ZBTB7C: variants seen among roughly 807,000 people sequenced by gnomAD.
ZBTB7C encodes the protein zinc finger and BTB domain-containing protein 7C.
In ZBTB7C, 8 loss-of-function variants were observed where a neutral mutation model predicts 25.7. The ratio of observed to expected loss-of-function variants is 0.31; its 90% CI spans 0.18 to 0.56. The LOEUF (loss-of-function observed/expected upper bound fraction) is 0.56. Among genes scored for constraint, ZBTB7C ranks in the 20% least tolerant of loss-of-function variants. The probability of loss-of-function intolerance (pLI) is 0.91; values close to 1 mark genes in which losing one functional copy is unlikely to be tolerated. For missense variants in ZBTB7C, 824 were observed against 855.2 expected (o/e 0.96, Z 0.46); for synonymous variants, 394 against 369.0 (o/e 1.07, Z -0.78).
intron 2 of ZBTB7C, among the ~76,000 whole-genome samples, chr18:48,230,685 G>A (rs2043226834): frequency 6.6e-6 from 1 of 152,182 alleles, no homozygotes; most frequent in South Asian, 2.1e-4. Context: ...CAGTGGGTGG[G>A]GCTGTGCAGC....
At chr18:48,119,801 A>T (rs1291436473) in intron 3 of ZBTB7C, among the ~76,000 whole-genome samples, 1 of 152,164 alleles carries the variant, frequency 6.6e-6, no homozygotes, top group Non-Finnish European at 1.5e-5. Flanking sequence ...CAACATAAAT[A>T]ACAATCTCAT....
At chr18:48,077,801 G>T (rs1439620743) in intron 3 of ZBTB7C, among the ~76,000 whole-genome samples, 2 of 152,164 alleles carry the variant, frequency 1.3e-5, no homozygotes, top group Non-Finnish European at 2.9e-5. Context: ...CAGGACTCAG[G>T]CCTGCACAAT....
At chr18:48,308,984 C>G (rs1352195501) in intron 2 of ZBTB7C, among the ~76,000 whole-genome samples, 1 of 152,218 alleles carries the variant, frequency 6.6e-6, no homozygotes, top group African/African-American at 2.4e-5. Context: ...AGGAGCCCTA[C>G]AGAAGGTGAG....
intron 1 of ZBTB7C, among the ~76,000 whole-genome samples, chr18:48,398,554 T>C (rs75363749): frequency 0.042 from 6,365 of 152,286 alleles, 209 homozygotes; most frequent in South Asian, 0.16. Flanking sequence ...ACGACCTCTG[T>C]GGCTTCTCTT....
chr18:48,393,547 A>G (rs1005765454), intron 1 of ZBTB7C, among the ~76,000 whole-genome samples: 33 of 152,176 alleles, frequency 2.2e-4, no homozygotes, highest in African/African-American at 8.0e-4. Context: ...AGAATGTCTT[A>G]ATATAAAGAT....
At chr18:48,352,857 G>T (rs78041458) in intron 1 of ZBTB7C, among the ~76,000 whole-genome samples, 1 of 152,122 alleles carries the variant, frequency 6.6e-6, no homozygotes, top group Non-Finnish European at 1.5e-5. Context: ...TGTTCACTGT[G>T]TTGGGAGGGC....
chr18:48,051,664 C>A (rs2036691953), intron 3 of ZBTB7C, among the ~76,000 whole-genome samples: 2 of 152,190 alleles, frequency 1.3e-5, no homozygotes, highest in African/African-American at 2.4e-5. Context: ...ATGCACCATG[C>A]AGGGGACTTG....
At chr18:48,324,562 G>T (rs2046173442) in intron 2 of ZBTB7C, among the ~76,000 whole-genome samples, 1 of 152,154 alleles carries the variant, frequency 6.6e-6, no homozygotes, top group Non-Finnish European at 1.5e-5. Flanking sequence ...TGGGATTAGG[G>T]CCTATGGGAG....
At chr18:48,084,003 T>C in intron 3 of ZBTB7C, 1 of 504,390 alleles carries the variant, frequency 2.0e-6, no homozygotes, top group Non-Finnish European at 2.6e-6. Context: ...CTTGTGCCTA[T>C]GGAAGGTTTC....
intron 3 of ZBTB7C, among the ~76,000 whole-genome samples, chr18:48,093,201 A>C (rs983018600): frequency 1.3e-5 from 2 of 152,140 alleles, no homozygotes; most frequent in African/African-American, 4.8e-5. Flanking sequence ...CACAGAGTAG[A>C]CTCAGCCGTG....
intron 1 of ZBTB7C, among the ~76,000 whole-genome samples, chr18:48,344,429 G>A (rs2046679512): frequency 6.6e-6 from 1 of 152,192 alleles, no homozygotes; most frequent in Non-Finnish European, 1.5e-5. Flanking sequence ...GGATGCCCAT[G>A]CCACTGGTCT....
At chr18:48,193,155 TG>T (rs2042237475) in intron 2 of ZBTB7C, among the ~76,000 whole-genome samples, 1 of 152,160 alleles carries the variant, frequency 6.6e-6, no homozygotes, top group African/African-American at 2.4e-5. Flanking sequence ...GAAAGTCAAG[TG>T]GGGAGGCCAG....
At chr18:48,079,262 G>C (rs1421901316) in intron 3 of ZBTB7C, among the ~76,000 whole-genome samples, 4 of 152,220 alleles carry the variant, frequency 2.6e-5, no homozygotes, top group Non-Finnish European at 4.4e-5. Flanking sequence ...TCAACCACAG[G>C]TAAGTCATGA....
intron 2 of ZBTB7C, among the ~76,000 whole-genome samples, chr18:48,320,520 C>T (rs1360604542): frequency 6.6e-6 from 1 of 152,196 alleles, no homozygotes; most frequent in Non-Finnish European, 1.5e-5. Flanking sequence ...GAGGTGACGG[C>T]TGCCAGCACC....
intron 2 of ZBTB7C, among the ~76,000 whole-genome samples, chr18:48,239,077 T>C (rs1223788168): frequency 6.6e-6 from 1 of 152,050 alleles, no homozygotes; most frequent in Non-Finnish European, 1.5e-5. Context: ...CTGTATGACA[T>C]AGTAGCAGAG....
intron 2 of ZBTB7C, among the ~76,000 whole-genome samples, chr18:48,303,760 C>T (rs2045599404): frequency 6.6e-6 from 1 of 152,228 alleles, no homozygotes; most frequent in Admixed American, 6.5e-5. Context: ...CCCACTTCCA[C>T]TTTGCTCTGT....
intron 1 of ZBTB7C, among the ~76,000 whole-genome samples, chr18:48,342,417 G>A (rs1447332850): frequency 6.6e-6 from 1 of 152,218 alleles, no homozygotes; most frequent in African/African-American, 2.4e-5. Flanking sequence ...AGGCTGCCAG[G>A]AGGGACAGGG....
At chr18:48,085,653 T>C (rs2038165459) in intron 3 of ZBTB7C, among the ~76,000 whole-genome samples, 2 of 152,260 alleles carry the variant, frequency 1.3e-5, no homozygotes. Flanking sequence ...AATTCCTGGC[T>C]GGCAGGAAGT....
chr18:48,263,894 A>C (rs563600096), intron 2 of ZBTB7C, among the ~76,000 whole-genome samples: 57 of 152,342 alleles, frequency 3.7e-4, no homozygotes, highest in African/African-American at 1.3e-3. Flanking sequence ...TTAGCCCCCC[A>C]AATGGAGTTA....
Sources: gnomAD v4.1 joint callset for allele counts (sites outside exome capture counted in the v4.1 genomes callset) on GRCh38, gnomAD v4.1.1 for gene constraint, MANE v1.5 for transcripts, NCBI Gene and HGNC (gene_info 2026-07-23, HGNC 2026-07-21) for gene names.